Variants in UHRF1 observed in about 807,000 individuals in gnomAD.
The protein encoded by UHRF1 is E3 ubiquitin-protein ligase UHRF1.
In UHRF1, 9 loss-of-function variants were observed where a neutral mutation model predicts 96.5. The observed-to-expected ratio is 0.09, with a 90% confidence interval of 0.06 to 0.16. The LOEUF is 0.16. Among genes scored for constraint, UHRF1 ranks in the 10% least tolerant of loss-of-function variants. The probability of loss-of-function intolerance (pLI) is 1.00; values close to 1 mark genes in which losing one functional copy is unlikely to be tolerated. For synonymous variants in UHRF1, 455 were observed against 469.9 expected (o/e 0.97, Z 0.41); for missense variants, 626 against 1,131.1 (o/e 0.55, Z 6.40).
At chr19:4,951,785 C>G (rs920915647) in intron 13 of UHRF1, among the ~76,000 whole-genome samples, 1 of 151,940 alleles carries the variant, frequency 6.6e-6, no homozygotes, top group Non-Finnish European at 1.5e-5. Flanking sequence ...GATGAATATC[C>G]CCGAGCCATC....
Position 4,954,552 on chromosome 19 carries a change from G to T in UHRF1, c.1957+64G>T. The T allele has an allele frequency of 1.3e-6, 2 of 1,584,526 alleles. No homozygotes were observed. The highest frequency in any genetic ancestry group is 1.7e-5 in the Admixed American group (1 of 57,786). On this transcript the variant is annotated intron_variant, in intron 14 of 16. Transcript: ENST00000650932. This position sits in a 1 kb window ranked among gnomAD's most constrained non-coding sequence, Gnocchi z 5.9. ...TGGGGGAGCAGGTGGGCATCTCGCG[G>T]GTGTGGGGTTGAGGTCGTGTGGACG...
At chr19:4,936,624 G>A (rs1207812161) in intron 5 of UHRF1, among the ~76,000 whole-genome samples, 1 of 152,018 alleles carries the variant, frequency 6.6e-6, no homozygotes. Flanking sequence ...ATTTTACCTT[G>A]CATTGTAGAT....
chr19:4,952,094 T>A (rs1042249925), intron 13 of UHRF1, among the ~76,000 whole-genome samples: 1 of 152,072 alleles, frequency 6.6e-6, no homozygotes. Context: ...GTAGGATTTT[T>A]TTTGTTTGTT....
intron 5 of UHRF1, among the ~76,000 whole-genome samples, chr19:4,934,405 A>G (rs999987681): frequency 3.3e-5 from 5 of 152,160 alleles, no homozygotes; most frequent in Non-Finnish European, 5.9e-5. Flanking sequence ...TTGTTACGCA[A>G]CCATCTCCAG....
In UHRF1 at chr19:4,941,542, AC is replaced by A. The variant is rs771722659; in HGVS notation, c.801del (p.Asn267LysfsTer28). 6.2e-7 allele frequency: 1 copy of A among 1,613,364 alleles called. No individual in the cohort carries two copies. Among genetic ancestry groups the A allele is most frequent in the South Asian group, 1.1e-5 (1 of 90,940 alleles). ...GTTCCTTGCAGGGATGATTCTCTGAACGACTGTCGGATCATCTTCGTGGACG... is the reference window on the plus strand; with the variant it reads ...GTTCCTTGCAGGGATGATTCTCTGAAGACTGTCGGATCATCTTCGTGGACG... ...ANVVLGDDSL[N>X]DCRIIFVDEV... On this transcript the variant is annotated frameshift_variant, in exon 6 of 17. Coordinates refer to ENST00000650932, the MANE Select transcript of UHRF1 (RefSeq NM_001048201.3). LOFTEE classifies it high-confidence loss of function.
Position 4,954,901 on chromosome 19 carries a change from C to T in UHRF1, c.2130+79C>T. On this transcript the variant is annotated intron_variant, in intron 15 of 16. Transcript: ENST00000650932. This position sits in a 1 kb window ranked among gnomAD's most constrained non-coding sequence, Gnocchi z 5.9. ...GTGTGGGGCTTGTTTCCCATGTTCC[C>T]CATTTTCAAGTGTACAGCTCAGTCG... The T allele has an allele frequency of 1.3e-6, 2 of 1,558,424 alleles. No homozygotes were observed. Among genetic ancestry groups the T allele is most frequent in the East Asian group, 2.2e-5 (1 of 44,472 alleles).
chr19:4,939,739 T>A (rs569712968), intron 5 of UHRF1, among the ~76,000 whole-genome samples: 9 of 152,230 alleles, frequency 5.9e-5, no homozygotes, highest in African/African-American at 2.2e-4. Context: ...AAAATACACA[T>A]GGGTGCCAGG....
chr19:4,908,667 C>T (rs1045236067), upstream of UHRF1, among the ~76,000 whole-genome samples: 62 of 152,304 alleles, frequency 4.1e-4, no homozygotes, highest in African/African-American at 1.5e-3. Context: ...ATCCTCTCTC[C>T]CCGCCTCCCA....
intron 1 of UHRF1, among the ~76,000 whole-genome samples, chr19:4,904,119 G>A (rs1475339320): frequency 1.3e-5 from 2 of 151,976 alleles, no homozygotes; most frequent in Non-Finnish European, 2.9e-5. Context: ...TGGGATTACG[G>A]GCATGGGGGT....
At chr19:4,918,472 C>T (rs570529374) in intron 2 of UHRF1, among the ~76,000 whole-genome samples, 1 of 150,474 alleles carries the variant, frequency 6.6e-6, no homozygotes, top group African/African-American at 2.4e-5. Flanking sequence ...GGCTGGAGTG[C>T]GTTGGCTTGA....
intron 2 of UHRF1, among the ~76,000 whole-genome samples, chr19:4,918,767 C>G (rs957479420): frequency 1.4e-5 from 2 of 141,054 alleles, no homozygotes; most frequent in African/African-American, 5.4e-5. Flanking sequence ...GTTGCCCAGG[C>G]TGGAGTACAG....
chr19:4,906,655 A>C (rs2032070300), upstream of UHRF1, among the ~76,000 whole-genome samples: 1 of 152,202 alleles, frequency 6.6e-6, no homozygotes, highest in African/African-American at 2.4e-5. Flanking sequence ...GGGGAGGCTG[A>C]GGCAGAAGAA....
At chr19:4,956,211 G>A (rs1292852319) in intron 15 of UHRF1, among the ~76,000 whole-genome samples, 4 of 152,146 alleles carry the variant, frequency 2.6e-5, no homozygotes, top group Non-Finnish European at 5.9e-5. Flanking sequence ...GATTACAGGC[G>A]TGAGCCACCA....
intron 1 of UHRF1, among the ~76,000 whole-genome samples, chr19:4,903,821 A>G (rs1244623812): frequency 2.6e-5 from 4 of 152,008 alleles, no homozygotes; most frequent in African/African-American, 9.7e-5. Flanking sequence ...ACTCATTTTC[A>G]TCTTAAAGAC....
rs2032989938 is a variant in UHRF1, at chr19:4,929,742, T to C, written c.408+266T>C. 4.6e-5 allele frequency among the ~76,000 whole-genome samples: 7 copies of C among 152,350 alleles called. No homozygotes were observed. In the South Asian group the frequency reaches 1.4e-3, roughly 32 times the overall value. On this transcript the variant is annotated intron_variant, in intron 3 of 16. Transcript: ENST00000650932. Reference sequence around the variant, plus strand: ...TGCAGTGGCTGTGACGTTTCTGAACTTGCTGCTACCATGTAAGATCAGGAA... The same window carrying C: ...TGCAGTGGCTGTGACGTTTCTGAACCTGCTGCTACCATGTAAGATCAGGAA...
chr19:4,912,414 A>G (rs149634095), intron 2 of UHRF1, among the ~76,000 whole-genome samples: 34 of 152,282 alleles, frequency 2.2e-4, no homozygotes, highest in African/African-American at 7.7e-4. Context: ...TTCACAGCGT[A>G]GGTCAGTGGC....
At chr19:4,944,312 CTGT>C (rs1568426021) in intron 8 of UHRF1, 28 bp from the exon 9 acceptor site, 9 of 1,613,882 alleles carry the variant, frequency 5.6e-6, no homozygotes, top group Non-Finnish European at 7.6e-6. Context: ...AGGGCTCACG[CTGT>C]TGTTCTTTGT....
intron 5 of UHRF1, among the ~76,000 whole-genome samples, chr19:4,940,540 T>C (rs1215449126): frequency 1.0e-3 from 150 of 144,338 alleles, no homozygotes; most frequent in African/African-American, 3.9e-3. Flanking sequence ...CTAATTCTTG[T>C]ATTCTTAGTA....
intron 13 of UHRF1, among the ~76,000 whole-genome samples, chr19:4,953,404 C>T (rs1054845900): frequency 8.5e-5 from 13 of 152,172 alleles, no homozygotes; most frequent in African/African-American, 2.9e-4. Context: ...CTCTCTTTCG[C>T]ATCTTAGGCT....
Sources: gnomAD v4.1 joint callset for allele counts (sites outside exome capture counted in the v4.1 genomes callset) on GRCh38, gnomAD v4.1.1 for gene constraint, Gnocchi (gnomAD v3.1) non-coding constraint, MANE v1.5 for transcripts, NCBI Gene and HGNC (gene_info 2026-07-23, HGNC 2026-07-21) for gene names.